Variants in TIAM2 observed in about 807,000 individuals in gnomAD.
TIAM2 encodes rho guanine nucleotide exchange factor TIAM2.
A neutral mutation model predicts 152.9 loss-of-function variants in TIAM2; 80 were observed. That is an observed-to-expected ratio of 0.52 (90% CI 0.44 to 0.63). The LOEUF is 0.63. TIAM2 is among the 30% of genes least tolerant of loss of function. The pLI, the probability that TIAM2 is intolerant of heterozygous loss-of-function variation, is 0.00. For synonymous variants in TIAM2, 804 were observed against 838.0 expected (o/e 0.96, Z 0.70); for missense variants, 1,965 against 2,120.1 (o/e 0.93, Z 1.44).
Position 155,244,022 on chromosome 6 carries a change from C to T in TIAM2, c.3360C>T (p.Cys1120=). The T allele has an allele frequency of 6.2e-7, 1 of 1,614,040 alleles. No homozygotes were observed. Among genetic ancestry groups the T allele is most frequent in the Non-Finnish European group, 8.5e-7 (1 of 1,179,980 alleles). ...TEKSYVKDLS[C]LFELYLEPLQ... ...CTATTTTCTTTCAGGATTTGAGCTG[C>T]CTCTTTGAATTATACTTGGAGCCAC... Residue 1120 remains cysteine, a synonymous_variant, in exon 17 of 27, where the codon TGC becomes TGT. Transcript: ENST00000682666.
intron 2 of TIAM2, among the ~76,000 whole-genome samples, chr6:155,112,386 A>G (rs571685114): frequency 2.0e-5 from 3 of 151,908 alleles, no homozygotes; most frequent in Non-Finnish European, 4.4e-5. Flanking sequence ...CAGCCTCCCA[A>G]AGTGCTGGGA....
At chr6:155,185,977 G>GC (rs1413541903) in intron 14 of TIAM2, among the ~76,000 whole-genome samples, 2 of 152,184 alleles carry the variant, frequency 1.3e-5, no homozygotes, top group African/African-American at 4.8e-5. Context: ...CGAGGTAGTT[G>GC]CGTTGCTTGT....
chr6:155,056,086 A>AT (rs1294331050), intron 1 of TIAM2, among the ~76,000 whole-genome samples: 1 of 147,866 alleles, frequency 6.8e-6, no homozygotes, highest in Admixed American at 6.7e-5. Context: ...CTACCTTTTA[A>AT]TTTTTTTTAA....
chr6:155,047,670 GA>G (rs1195510308), intron 1 of TIAM2, among the ~76,000 whole-genome samples: 17 of 46,464 alleles, frequency 3.7e-4, no homozygotes, highest in Admixed American at 7.4e-4. Flanking sequence ...AGAGAGAGGA[GA>G]GAGAGAGAGA....
chr6:155,036,574 T>A (rs1402538532), intron 1 of TIAM2, among the ~76,000 whole-genome samples: 1 of 147,218 alleles, frequency 6.8e-6, no homozygotes, highest in African/African-American at 2.5e-5. Flanking sequence ...CTCTAAAGTT[T>A]GGAGAAATTA....
At chr6:155,179,284 C>T (rs2115135333) in intron 11 of TIAM2, 94 bp from the exon 12 acceptor site, 2 of 1,460,128 alleles carry the variant, frequency 1.4e-6, no homozygotes, top group East Asian at 2.3e-5. Context: ...GGTATCTTAA[C>T]AGCTTTCTTG....
intron 14 of TIAM2, among the ~76,000 whole-genome samples, chr6:155,206,892 C>T (rs1781608935): frequency 6.6e-6 from 1 of 152,154 alleles, no homozygotes; most frequent in Non-Finnish European, 1.5e-5. Flanking sequence ...AATTGATTTG[C>T]AGTCATATTG....
chr6:155,016,212 A>C (rs986520581), intron 1 of TIAM2: 1 of 152,214 alleles, frequency 6.6e-6, no homozygotes, highest in Non-Finnish European at 1.5e-5. Context: ...TTGTTTGCAC[A>C]AGAATATTTA....
chr6:155,139,990 G>T (rs1254404311), intron 5 of TIAM2, among the ~76,000 whole-genome samples: 1 of 152,252 alleles, frequency 6.6e-6, no homozygotes, highest in Non-Finnish European at 1.5e-5. Context: ...GAGTGAAAAA[G>T]ATGTCGGGAT....
At chr6:155,192,684 C>T (rs1029087129) in intron 14 of TIAM2, among the ~76,000 whole-genome samples, 6 of 149,712 alleles carry the variant, frequency 4.0e-5, no homozygotes, top group African/African-American at 1.5e-4. Context: ...TACATTTTTG[C>T]AAATTTCTTT....
At chr6:155,029,287 A>T (rs1010485321) in intron 1 of TIAM2, among the ~76,000 whole-genome samples, 2 of 49,170 alleles carry the variant, frequency 4.1e-5, no homozygotes, top group African/African-American at 1.2e-4. Flanking sequence ...ACTATGTGTT[A>T]TATATACTAT....
intron 24 of TIAM2, chr6:155,253,554 T>G (rs1357973228): frequency 5.8e-6 from 1 of 172,462 alleles, no homozygotes; most frequent in Non-Finnish European, 1.2e-5. Context: ...CCTGCTGGGC[T>G]TCTGTTTAAC....
At chr6:155,043,578 A>T (rs1181020156) in intron 1 of TIAM2, among the ~76,000 whole-genome samples, 1 of 149,334 alleles carries the variant, frequency 6.7e-6, no homozygotes, top group Non-Finnish European at 1.5e-5. Flanking sequence ...AGGCTGCAGT[A>T]AGCAGCGATT....
intron 1 of TIAM2, among the ~76,000 whole-genome samples, chr6:155,074,853 CAAA>C (rs71023618): frequency 8.0e-5 from 3 of 37,664 alleles, no homozygotes; most frequent in African/African-American, 9.9e-5. Context: ...GACTCTGTCT[CAAA>C]AAAAAAAAAA....
rs1326990624 is a variant in TIAM2, at chr6:155,214,012, G to A, written c.3168+2705G>A. On this transcript the variant is annotated intron_variant, in intron 15 of 26. Transcript: ENST00000682666. The surrounding 1 kb of genome is among the most constrained non-coding windows in gnomAD (Gnocchi z 5.4). Reference sequence around the variant, plus strand: ...TGCAGAGATGTCTGGGTCCACAGTCGCGGCTACGTGGCTGCAGCAGTACCC... The same window carrying A: ...TGCAGAGATGTCTGGGTCCACAGTCACGGCTACGTGGCTGCAGCAGTACCC... Among the ~76,000 whole-genome samples the A allele has an allele frequency of 2.6e-5, 4 of 152,166 alleles. No homozygotes were observed. The highest frequency in any genetic ancestry group is 1.3e-4 in the Admixed American group (2 of 15,280).
intron 1 of TIAM2, among the ~76,000 whole-genome samples, chr6:155,014,348 ATAAAG>A (rs1320339948): frequency 5.3e-5 from 8 of 152,334 alleles, no homozygotes; most frequent in Admixed American, 1.3e-4. Flanking sequence ...ATAAATGTCT[ATAAAG>A]TAGTCTTTTT....
chr6:155,039,039 C>T (rs974271398), intron 1 of TIAM2, among the ~76,000 whole-genome samples: 1 of 144,852 alleles, frequency 6.9e-6, no homozygotes, highest in Admixed American at 7.2e-5. Flanking sequence ...TGGCTCAATG[C>T]AGCCTCAACC....
At chr6:155,118,527 G>A (rs1055743598) in intron 2 of TIAM2, among the ~76,000 whole-genome samples, 6 of 147,780 alleles carry the variant, frequency 4.1e-5, no homozygotes, top group Non-Finnish European at 8.9e-5. Flanking sequence ...TTGCCTCCTG[G>A]ATTCAAGTGT....
In TIAM2 at chr6:155,218,945, C is replaced by T. The variant is rs1781950587; in HGVS notation, c.3168+7638C>T. Among the ~76,000 whole-genome samples the T allele has an allele frequency of 1.4e-5, 2 of 144,924 alleles. No homozygotes were observed. The highest frequency in any genetic ancestry group is 1.4e-4 in the Admixed American group (2 of 14,594). On this transcript the variant is annotated intron_variant, in intron 15 of 26. Transcript: ENST00000682666. This position sits in a 1 kb window ranked among gnomAD's most constrained non-coding sequence, Gnocchi z 4.5. The stretch of plus-strand genomic sequence containing the variant: ...CCGTGTTCTTGACCATCTCAGCCGC[C>T]CACCCGTGTTCTTGACCATCTCAGC...
Sources: allele counts gnomAD v4.1 joint callset (sites outside exome capture counted in the v4.1 genomes callset), GRCh38; gene constraint gnomAD v4.1.1; non-coding constraint Gnocchi (gnomAD v3.1); transcripts MANE v1.5; gene names NCBI Gene and HGNC (gene_info 2026-07-23, HGNC 2026-07-21).